The following DCC variants were observed in gnomAD, a reference collection of about 807,000 sequenced individuals.
DCC encodes the protein netrin receptor DCC.
Under a neutral mutation model 172.5 loss-of-function variants are expected in DCC, and 58 were observed. That is an observed-to-expected ratio of 0.34 (90% CI 0.27 to 0.42). The LOEUF is 0.42. DCC is among the 10% of genes least tolerant of loss of function. DCC has a pLI of 1.00. For missense variants in DCC, 1,740 were observed against 1,791.0 expected, an observed-to-expected ratio of 0.97 and a Z score of 0.51; for synonymous variants, 709 against 644.5, an observed-to-expected ratio of 1.10 and a Z score of -1.52.
At chr18:52,652,477 A>G (rs1351112744) in intron 1 of DCC, among the ~76,000 whole-genome samples, 4 of 152,160 alleles carry the variant, frequency 2.6e-5, no homozygotes, top group Admixed American at 6.5e-5. Flanking sequence ...AAGGAATCAA[A>G]CGAGTCATGC....
At chr18:53,014,854 A>G (rs990271370) in intron 5 of DCC, among the ~76,000 whole-genome samples, 10 of 152,108 alleles carry the variant, frequency 6.6e-5, no homozygotes, top group African/African-American at 2.4e-4. Flanking sequence ...CCAGAAACCT[A>G]CTTTATGATG....
intron 2 of DCC, among the ~76,000 whole-genome samples, chr18:52,903,986 A>C (rs1357102722): frequency 6.6e-6 from 1 of 152,270 alleles, no homozygotes; most frequent in Non-Finnish European, 1.5e-5. Context: ...TTCTTCACCC[A>C]GTGGTAGATG....
At chr18:52,424,901 T>C (rs189871507) in intron 1 of DCC, among the ~76,000 whole-genome samples, 15 of 149,882 alleles carry the variant, frequency 1.0e-4, no homozygotes, top group Admixed American at 2.7e-4. Context: ...CATTTTTTAT[T>C]ATCTCTCCTG....
intron 1 of DCC, among the ~76,000 whole-genome samples, chr18:52,600,236 C>T (rs755011698): frequency 3.9e-5 from 6 of 152,172 alleles, no homozygotes; most frequent in Non-Finnish European, 5.9e-5. Context: ...TGATAACTAG[C>T]GTCCCCAGCT....
At chr18:53,108,129 T>A (rs1446420208) in intron 7 of DCC, among the ~76,000 whole-genome samples, 3 of 151,518 alleles carry the variant, frequency 2.0e-5, no homozygotes, top group Admixed American at 6.6e-5. Context: ...ATATTTTCTA[T>A]TATGAAACAT....
intron 5 of DCC, among the ~76,000 whole-genome samples, chr18:52,974,555 T>G (rs1268555261): frequency 6.6e-6 from 1 of 152,170 alleles, no homozygotes; most frequent in Non-Finnish European, 1.5e-5. Context: ...TTATTTTGCT[T>G]GAAAAGCCAC....
chr18:53,133,327 G>T (rs778051946), intron 7 of DCC, among the ~76,000 whole-genome samples: 1 of 152,292 alleles, frequency 6.6e-6, no homozygotes, highest in South Asian at 2.1e-4. Context: ...AATGCTGTAA[G>T]TTTGCAATAT....
chr18:53,285,162 G>A (rs2056921469), intron 12 of DCC, among the ~76,000 whole-genome samples: 1 of 152,010 alleles, frequency 6.6e-6, no homozygotes, highest in Admixed American at 6.5e-5. Context: ...GCAGAAATTT[G>A]CAGAAGTAAC....
At chr18:52,357,250 G>A (rs1243067654) in intron 1 of DCC, among the ~76,000 whole-genome samples, 1 of 152,102 alleles carries the variant, frequency 6.6e-6, no homozygotes, top group Non-Finnish European at 1.5e-5. Context: ...GCTCCTCAGG[G>A]AAATAGTTGA....
chr18:52,763,470 C>T (rs1288792220), intron 2 of DCC, among the ~76,000 whole-genome samples: 2 of 152,208 alleles, frequency 1.3e-5, no homozygotes, highest in Non-Finnish European at 2.9e-5. Context: ...ATGAGCCAAC[C>T]TTGTGGCTAT....
At chr18:52,956,957 A>G (rs2040754972) in intron 5 of DCC, among the ~76,000 whole-genome samples, 1 of 152,140 alleles carries the variant, frequency 6.6e-6, no homozygotes, top group African/African-American at 2.4e-5. Context: ...AGCAAGGCCG[A>G]AAACACGCAT....
At chr18:52,754,086 CT>C (rs2037039822) in intron 2 of DCC, 1 of 152,128 alleles carries the variant, frequency 6.6e-6, no homozygotes, top group African/African-American at 2.4e-5. Flanking sequence ...CCAGGTCCTA[CT>C]TAGTCTAGTC....
At chr18:52,695,202 C>T (rs1476486928) in intron 1 of DCC, among the ~76,000 whole-genome samples, 1 of 152,216 alleles carries the variant, frequency 6.6e-6, no homozygotes. Flanking sequence ...AAGCAACTTA[C>T]TTAACCTCCA....
At chr18:52,915,828 C>T (rs12326745) in intron 3 of DCC, among the ~76,000 whole-genome samples, 7,327 of 152,072 alleles carry the variant, frequency 0.048, 210 homozygotes, top group Non-Finnish European at 0.062. Context: ...AAAACCATTT[C>T]TATGTTGAAG....
intron 7 of DCC, among the ~76,000 whole-genome samples, chr18:53,075,139 A>G (rs2042707467): frequency 6.6e-6 from 1 of 152,218 alleles, no homozygotes; most frequent in South Asian, 2.1e-4. Flanking sequence ...TTTAATGACA[A>G]TGTCCATTCA....
chr18:53,178,266 C>A (rs546581869), intron 8 of DCC, among the ~76,000 whole-genome samples: 1 of 152,274 alleles, frequency 6.6e-6, no homozygotes, highest in East Asian at 1.9e-4. Context: ...ACTATAAATG[C>A]AACCATGATC....
At chr18:52,855,999 A>C (rs756282423) in intron 2 of DCC, among the ~76,000 whole-genome samples, 29 of 151,864 alleles carry the variant, frequency 1.9e-4, no homozygotes, top group Admixed American at 3.9e-4. Flanking sequence ...CCCTGACCTC[A>C]GGTGATCCAC....
chr18:53,043,517 T>G (rs1362603598), intron 5 of DCC, among the ~76,000 whole-genome samples: 1 of 151,890 alleles, frequency 6.6e-6, no homozygotes, highest in Non-Finnish European at 1.5e-5. Flanking sequence ...AGATTACTTC[T>G]CATCTGACAT....
intron 14 of DCC, among the ~76,000 whole-genome samples, chr18:53,323,449 C>T (rs2057433531): frequency 6.6e-6 from 1 of 152,200 alleles, no homozygotes; most frequent in Non-Finnish European, 1.5e-5. Flanking sequence ...AGAAGTCTTA[C>T]TAAGCATCAG....
Sources: gnomAD v4.1 joint callset for allele counts (sites outside exome capture counted in the v4.1 genomes callset) on GRCh38, gnomAD v4.1.1 for gene constraint, MANE v1.5 for transcripts, NCBI Gene and HGNC (gene_info 2026-07-23, HGNC 2026-07-21) for gene names.